Variants in IRGQ observed in about 807,000 individuals in gnomAD.
IRGQ encodes the protein immunity-related GTPase family Q protein.
IRGQ carries 5 observed loss-of-function variants against 10.5 expected under a neutral mutation model. The observed-to-expected ratio is 0.48, with a 90% CI of 0.25 to 1.00. The LOEUF (loss-of-function observed/expected upper bound fraction) is 1.00. IRGQ is among the 50% of genes least tolerant of loss of function. IRGQ has a pLI of 0.16. For synonymous variants in IRGQ, 418 were observed against 426.0 expected, an observed-to-expected ratio of 0.98 and a Z score of 0.23; for missense variants, 792 against 877.7, an observed-to-expected ratio of 0.90 and a Z score of 1.23.
At position 43,593,915 on chromosome 19, in the gene IRGQ, G is replaced by A. The variant is rs1395825915; in HGVS notation, c.531-548C>T. ...TGACTCCCGGGCAGGTGAGGCTAAG[G>A]AAAAAAGATGACAGTGTACTGGGAC... On this transcript the variant is annotated intron_variant, in intron 2 of 2. Coordinates refer to ENST00000422989, the MANE Select transcript of IRGQ (RefSeq NM_001007561.3). The surrounding 1 kb of genome is among the most constrained non-coding windows in gnomAD (Gnocchi z 6.4). Among the ~76,000 whole-genome samples, 2 of 152,030 alleles carry A rather than the reference G, an allele frequency of 1.3e-5. No individual in the cohort carries two copies. Among genetic ancestry groups the A allele is most frequent in the Non-Finnish European group, 2.9e-5 (2 of 67,980 alleles).
In IRGQ at chr19:43,592,181, C is replaced by T; in HGVS notation, c.1717G>A (p.Ala573Thr). 6.2e-7 allele frequency: 1 copy of T among 1,603,552 alleles called. No individual in the cohort carries two copies. Reference protein sequence around the residue: ...WAGEGTAGGAALGALSFLWPA... With the variant: ...WAGEGTAGGATLGALSFLWPA... ...CACAGGAAGGAGAGAGCCCCCAGTG[C>T]TGCGCCCCCAGCAGTGCCCTCGCCC... is the stretch of plus-strand genomic sequence containing the variant. The change falls in exon 3 of 3, where the codon GCA becomes ACA. Residue 573 changes from alanine (A) to threonine (T), a missense_variant. Physicochemically the swap from Ala to Thr is moderately conservative, Grantham distance 58. Transcript: ENST00000422989.
Position 43,592,693 on chromosome 19 carries a change from T to A in IRGQ, c.1205A>T (p.Lys402Ile). The change falls in exon 3 of 3, where the codon AAA becomes ATA. Residue 402 changes from lysine (K) to isoleucine (I), a missense_variant. Physicochemically the swap from Lys to Ile is moderately radical, Grantham distance 102 (BLOSUM62 -3). Coordinates refer to ENST00000422989, the MANE Select transcript of IRGQ (RefSeq NM_001007561.3). ...EGLQQVVGMK[K>I]SGGGDSERAA... ...CCGCTCTGAGTCGCCACCACCTGAT[T>A]TCTTCATGCCGACAACCTGCTGCAA... 6.2e-7 allele frequency: 1 copy of A among 1,608,526 alleles called. No homozygotes were observed.
chr19:43,594,915 C>T lies in IRGQ; in HGVS notation c.424G>A (p.Ala142Thr), dbSNP rs779719341. 8.1e-6 allele frequency: 13 copies of T among 1,613,938 alleles called. No homozygotes were observed. The highest frequency in any genetic ancestry group is 1.1e-5 in the Non-Finnish European group (13 of 1,179,964). Residue 142 changes from alanine to threonine, a missense_variant, in exon 2 of 3, where the codon GCT (alanine) becomes ACT (threonine). Physicochemically the swap from Ala to Thr is moderately conservative, Grantham distance 58. Coordinates refer to ENST00000422989, the MANE Select transcript of IRGQ (RefSeq NM_001007561.3). ...AALLNSAGLG[A>T]ADLFVLPANC... ...GCCGGTAGCACAAACAGATCCGCAG[C>T]TCCTAACCCCGCGCTGTTCAGCAGA...
rs1972977381 is a variant in IRGQ, at chr19:43,585,014, A to C, written c.*7012T>G. 6.6e-6 allele frequency: 1 copy of C among 152,092 alleles called. No homozygotes were observed. The highest frequency in any genetic ancestry group is 1.9e-4 in the East Asian group (1 of 5,142). The allele number at this position is 152,092 out of a possible 1,614,324, so 9.4% of individuals were successfully genotyped here. A position where few individuals can be genotyped will look rare whatever the true frequency, so the allele number is the denominator to read the frequency against. ...CAGGTGCACACCACCACATCTGGCT[A>C]ATTCTGTTGTTGTTGCTTTTTTGTA... On this transcript the variant is annotated 3_prime_UTR_variant, in exon 3 of 3. Transcript: ENST00000422989.
Position 43,595,094 on chromosome 19 carries a change from A to C in IRGQ, c.245T>G (p.Leu82Arg), listed in dbSNP as rs1973116750. 1.2e-6 allele frequency: 2 copies of C among 1,610,282 alleles called. No individual in the cohort carries two copies. Among genetic ancestry groups the C allele is most frequent in the Admixed American group, 1.7e-5 (1 of 59,640 alleles). The change falls in exon 2 of 3, where the codon CTG becomes CGG. Residue 82 changes from leucine (L) to arginine (R), a missense_variant. Physicochemically the swap from Leu to Arg is moderately radical, Grantham distance 102 (BLOSUM62 -2). Transcript: ENST00000422989. ...AAEANVLVLV[L>R]PGPEGNGEPL... is the part of the protein sequence containing the mutation. ...TTCCCCGTTCCCCTCGGGTCCGGGC[A>C]GCACCAGTACCAGCACGTTGGCTTC...
chr19:43,595,353 G>C lies in IRGQ; in HGVS notation c.-2-13C>G, dbSNP rs542146683. Reference sequence around the variant, plus strand: ...GGCGGAGGCATGGCTGGAAAGCAACGGGTAGAGAAGACCTGGGTCAGGGAG... The same window carrying C: ...GGCGGAGGCATGGCTGGAAAGCAACCGGTAGAGAAGACCTGGGTCAGGGAG... On this transcript the variant is annotated splice_polypyrimidine_tract_variant and intron_variant, in intron 1 of 2. Transcript: ENST00000422989. 5 of 1,524,758 alleles carry C rather than the reference G, an allele frequency of 3.3e-6. No homozygotes were observed. Among genetic ancestry groups the C allele is most frequent in the African/African-American group, 1.4e-5 (1 of 72,368 alleles). 94.5% of individuals were successfully genotyped at this position (1,524,758 alleles called of 1,614,324 possible).
Position 43,588,719 on chromosome 19 carries a change from A to G in IRGQ, c.*3307T>C, listed in dbSNP as rs919253645. 2.0e-5 allele frequency: 3 copies of G among 152,268 alleles called. No homozygotes were observed. Among genetic ancestry groups the G allele is most frequent in the Non-Finnish European group, 2.9e-5 (2 of 68,076 alleles). The allele number at this position is 152,268 out of a possible 1,614,324, so 9.4% of individuals were successfully genotyped here. On this transcript the variant is annotated 3_prime_UTR_variant, in exon 3 of 3. Coordinates refer to ENST00000422989, the MANE Select transcript of IRGQ (RefSeq NM_001007561.3). ...GGGTGATGGAGTGAAACTCCATCTC[A>G]AAAAAAGAAAACTTAAAATGACATA...
At chr19:43,595,948 T>G (rs1490602073) in intron 1 of IRGQ, 34 bp downstream of exon 1, 4 of 152,276 alleles carry the variant, frequency 2.6e-5, no homozygotes, top group Admixed American at 2.6e-4. Context: ...ATTGTTATTT[T>G]CATCTTTCCC....
rs1455639410 is a variant in IRGQ, at chr19:43,591,797, G to C, written c.*229C>G. 4 of 406,914 alleles carry C rather than the reference G, an allele frequency of 9.8e-6. No individual in the cohort carries two copies. The highest frequency in any genetic ancestry group is 1.7e-5 in the Non-Finnish European group (4 of 232,196). The allele number at this position is 406,914 out of a possible 1,614,324, so 25.2% of individuals were successfully genotyped here. Reference sequence around the variant, plus strand: ...CGGGAGGCGGAGGTTGCAGTGAGCCGAGGTCGCGCCATTGCACTCCAGCCT... The same window carrying C: ...CGGGAGGCGGAGGTTGCAGTGAGCCCAGGTCGCGCCATTGCACTCCAGCCT... On this transcript the variant is annotated 3_prime_UTR_variant, in exon 3 of 3. Coordinates refer to ENST00000422989, the MANE Select transcript of IRGQ (RefSeq NM_001007561.3).
chr19:43,592,164 GGA>G lies in IRGQ; in HGVS notation c.1732_1733del (p.Ser578LeufsTer29). On this transcript the variant is annotated frameshift_variant, in exon 3 of 3. Transcript: ENST00000422989. LOFTEE classifies it high-confidence loss of function. ...TAGGAALGAL[S>X]FLWPAGGAAA... ...CTGCACCACCCGCAGGCCACAGGAAGGAGAGAGCCCCCAGTGCTGCGCCCCCA... is the reference window on the plus strand; with the variant it reads ...CTGCACCACCCGCAGGCCACAGGAAGGAGAGCCCCCAGTGCTGCGCCCCCA... 6.2e-7 allele frequency: 1 copy of G among 1,607,710 alleles called. No homozygotes were observed. The highest frequency in any genetic ancestry group is 1.1e-5 in the South Asian group (1 of 91,038).
At position 43,592,661 on chromosome 19, in the gene IRGQ, C is replaced by T; in HGVS notation, c.1237G>A (p.Ala413Thr). ...CACGTCTCGTCCTCCGGGCTTAACG[C>T]AGCGGCCCGCTCTGAGTCGCCACCA... Reference protein sequence around the residue: ...SGGGDSERAAALSPEDETWEV... With the variant: ...SGGGDSERAATLSPEDETWEV... The change falls in exon 3 of 3, where the codon GCG (alanine) becomes ACG (threonine). Residue 413 changes from alanine (A) to threonine (T), a missense_variant. Physicochemically the swap from Ala to Thr is moderately conservative, Grantham distance 58 (BLOSUM62 0). Transcript: ENST00000422989. The T allele has an allele frequency of 1.2e-6, 2 of 1,605,774 alleles. No homozygotes were observed. The highest frequency in any genetic ancestry group is 1.6e-4 in the Middle Eastern group (1 of 6,062).
Position 43,592,200 on chromosome 19 carries a change from C to G in IRGQ, c.1698G>C (p.Glu566Asp), listed in dbSNP as rs753202129. 6 of 1,594,544 alleles carry G rather than the reference C, an allele frequency of 3.8e-6. No individual in the cohort carries two copies. The highest frequency in any genetic ancestry group is 5.1e-6 in the Non-Finnish European group (6 of 1,175,920). ...VEARLGAWAGEGTAGGAALGA... is the reference protein window; with the variant it reads ...VEARLGAWAGDGTAGGAALGA... ...CCAGTGCTGCGCCCCCAGCAGTGCCCTCGCCCGCCCAGGCGCCCAGTCTTG... is the reference window on the plus strand; with the variant it reads ...CCAGTGCTGCGCCCCCAGCAGTGCCGTCGCCCGCCCAGGCGCCCAGTCTTG... The change falls in exon 3 of 3, where the codon GAG becomes GAC. Residue 566 changes from glutamate to aspartate, a missense_variant. By Grantham distance (45) the Glu-to-Asp change is conservative. Coordinates refer to ENST00000422989, the MANE Select transcript of IRGQ (RefSeq NM_001007561.3).
At position 43,593,473 on chromosome 19, in the gene IRGQ, G is replaced by T; in HGVS notation, c.531-106C>A. The T allele has an allele frequency of 1.1e-5, 13 of 1,219,598 alleles. No homozygotes were observed. The highest frequency in any genetic ancestry group is 1.4e-5 in the Non-Finnish European group (13 of 923,766). The allele number at this position is 1,219,598 out of a possible 1,614,324, so 75.5% of individuals were successfully genotyped here. ...GCTTTCCTAATGATCCCAGAATGGGGCAGGGGTAGGAAAGGGAAGGGCCAG... is the reference window on the plus strand; with the variant it reads ...GCTTTCCTAATGATCCCAGAATGGGTCAGGGGTAGGAAAGGGAAGGGCCAG... On this transcript the variant is annotated intron_variant, in intron 2 of 2. Coordinates refer to ENST00000422989, the MANE Select transcript of IRGQ (RefSeq NM_001007561.3). The surrounding 1 kb of genome is among the most constrained non-coding windows in gnomAD (Gnocchi z 6.4).
chr19:43,595,262 G>A lies in IRGQ; in HGVS notation c.77C>T (p.Ala26Val). The A allele has an allele frequency of 1.2e-6, 2 of 1,609,950 alleles. No individual in the cohort carries two copies. Among genetic ancestry groups the A allele is most frequent in the South Asian group, 2.2e-5 (2 of 90,834 alleles). ...PGLGKSALIAALCDKDVETLE... is the reference protein window; with the variant it reads ...PGLGKSALIAVLCDKDVETLE... ...CGTCTCCACATCCTTGTCGCACAGC[G>A]CTGCGATCAGCGCGGACTTCCCCAA... Residue 26 changes from alanine (A) to valine (V), a missense_variant, in exon 2 of 3, where the codon GCG becomes GTG. Ala to Val is a moderately conservative substitution (Grantham distance 64). Coordinates refer to ENST00000422989, the MANE Select transcript of IRGQ (RefSeq NM_001007561.3).
chr19:43,593,120 C>A lies in IRGQ; in HGVS notation c.778G>T (p.Ala260Ser). Reference protein sequence around the residue: ...PGAAPASVPTAPTPFPAPERP... With the variant: ...PGAAPASVPTSPTPFPAPERP... ...TCTGGGGCTGGGAAGGGAGTGGGTG[C>A]TGTGGGGACCGAAGCAGGCGCAGCG... Residue 260 changes from alanine (A) to serine (S), a missense_variant, in exon 3 of 3, where the codon GCA (alanine) becomes TCA (serine). By Grantham distance (99) the Ala-to-Ser change is moderately conservative (BLOSUM62 1). Coordinates refer to ENST00000422989, the MANE Select transcript of IRGQ (RefSeq NM_001007561.3). This position sits in a 1 kb window ranked among gnomAD's most constrained non-coding sequence, Gnocchi z 6.4. 6.4e-7 allele frequency: 1 copy of A among 1,569,892 alleles called. No homozygotes were observed. The highest frequency in any genetic ancestry group is 1.2e-5 in the South Asian group (1 of 86,338).
intron 2 of IRGQ, 129 bp downstream of exon 2, chr19:43,594,680 A>T (rs10403868): frequency 0.03 from 20,753 of 687,888 alleles, 907 homozygotes; most frequent in African/African-American, 0.17. Context: ...AGGAAAAAAA[A>T]AAAAATAATA....
chr19:43,593,373 G>T lies in IRGQ; in HGVS notation c.531-6C>A. The T allele has an allele frequency of 6.6e-7, 1 of 1,506,088 alleles. No individual in the cohort carries two copies. The allele number at this position is 1,506,088 out of a possible 1,614,324, so 93.3% of individuals were successfully genotyped here. A position where few individuals can be genotyped will look rare whatever the true frequency, so the allele number is the denominator to read the frequency against. ...CCTGCGCCGGTGGCAGGAGCCTGTG[G>T]GGACAAGAAGGGACAGGGTCAAAGG... On this transcript the variant is annotated splice_region_variant and splice_polypyrimidine_tract_variant and intron_variant, in intron 2 of 2. Transcript: ENST00000422989. This position sits in a 1 kb window ranked among gnomAD's most constrained non-coding sequence, Gnocchi z 6.4.
chr19:43,592,542 TG>T lies in IRGQ; in HGVS notation c.1355del (p.Pro452GlnfsTer100), dbSNP rs1331665578. On this transcript the variant is annotated frameshift_variant, in exon 3 of 3. Coordinates refer to ENST00000422989, the MANE Select transcript of IRGQ (RefSeq NM_001007561.3). LOFTEE classifies it high-confidence loss of function. Reference protein sequence around the residue: ...LCEWLRRALPPAQAGALLLAL... With the variant: ...LCEWLRRALPXAQAGALLLAL... ...CCAGCAGCAGTGCCCCTGCCTGGGC[TG>T]GGGGGAGCGCTCGCCGCAGCCATTC... The T allele has an allele frequency of 1.9e-6, 3 of 1,596,812 alleles. No homozygotes were observed. Among genetic ancestry groups the T allele is most frequent in the Non-Finnish European group, 1.7e-6 (2 of 1,178,564 alleles).
In IRGQ at chr19:43,591,855, G is replaced by GAA. The variant is rs10682090; in HGVS notation, c.*169_*170dup. On this transcript the variant is annotated 3_prime_UTR_variant, in exon 3 of 3. Transcript: ENST00000422989. ...AAGAGACTTCGTCTCACAAAAAAAA[G>GAA]AAAAAAAAAAAAAAAAATCAGGATT... is the stretch of plus-strand genomic sequence containing the variant. 0.34 allele frequency: 158,443 copies of GAA among 460,038 alleles called. 15,466 individuals carry two copies. Among genetic ancestry groups the GAA allele is most frequent in the Admixed American group, 0.36 (9,902 of 27,506 alleles). The allele number at this position is 460,038 out of a possible 1,614,324, so 28.5% of individuals were successfully genotyped here.
Sources: gnomAD v4.1 joint callset for allele counts (sites outside exome capture counted in the v4.1 genomes callset) on GRCh38, gnomAD v4.1.1 for gene constraint, Gnocchi (gnomAD v3.1) non-coding constraint, MANE v1.5 for transcripts, NCBI Gene and HGNC (gene_info 2026-07-23, HGNC 2026-07-21) for gene names.